CD200R1: variants seen among roughly 807,000 people sequenced by gnomAD.
CD200R1 encodes cell surface glycoprotein CD200 receptor 1.
In CD200R1, 30 loss-of-function variants were observed where a neutral mutation model predicts 38.1. The observed-to-expected ratio is 0.79, with a 90% confidence interval of 0.59 to 1.07. The LOEUF is 1.07. CD200R1 is among the 50% of genes least tolerant of loss of function. The pLI is 0.00. For missense variants in CD200R1, 372 were observed against 415.4 expected (o/e 0.90, Z 0.91); for synonymous variants, 128 against 152.1 (o/e 0.84, Z 1.16).
intron 2 of CD200R1, among the ~76,000 whole-genome samples, chr3:112,935,659 G>A (rs186967922): frequency 1.0e-3 from 152 of 152,140 alleles, no homozygotes; most frequent in African/African-American, 3.4e-3. Flanking sequence ...CATCCTAACA[G>A]CACATATTAA....
intron 2 of CD200R1, among the ~76,000 whole-genome samples, chr3:112,943,628 A>T (rs1940775411): frequency 6.6e-6 from 1 of 151,728 alleles, no homozygotes. Context: ...AAATTAGAAC[A>T]GAAGACAATA....
intron 1 of CD200R1, among the ~76,000 whole-genome samples, chr3:112,968,868 C>A (rs1933229131): frequency 2.6e-5 from 4 of 152,112 alleles, no homozygotes; most frequent in Admixed American, 1.3e-4. Context: ...AGTAAAATAT[C>A]AACACAGCAA....
At chr3:112,932,696 C>T (rs1940477235) in intron 2 of CD200R1, among the ~76,000 whole-genome samples, 1 of 152,098 alleles carries the variant, frequency 6.6e-6, no homozygotes, top group South Asian at 2.1e-4. Context: ...TCCCAGAGGA[C>T]ACATCCCCAG....
intron 5 of CD200R1, among the ~76,000 whole-genome samples, chr3:112,927,116 T>C (rs1940297767): frequency 6.6e-6 from 1 of 152,058 alleles, no homozygotes; most frequent in Admixed American, 6.6e-5. Context: ...ATTGGCAGAT[T>C]GGTCCAAAGA....
intron 1 of CD200R1, among the ~76,000 whole-genome samples, chr3:112,972,444 T>G (rs1933332897): frequency 6.6e-6 from 1 of 152,136 alleles, no homozygotes; most frequent in African/African-American, 2.4e-5. Context: ...TAGTAACTCA[T>G]AATCACAAAA....
chr3:112,949,202 G>A (rs1940925571), intron 1 of CD200R1, among the ~76,000 whole-genome samples: 1 of 152,218 alleles, frequency 6.6e-6, no homozygotes, highest in South Asian at 2.1e-4. Context: ...TGGAGTTGAG[G>A]CTGGATATCG....
intron 1 of CD200R1, among the ~76,000 whole-genome samples, chr3:112,957,096 C>T (rs1332707981): frequency 2.6e-5 from 4 of 152,094 alleles, no homozygotes; most frequent in African/African-American, 9.7e-5. Flanking sequence ...CTCTTTCCCC[C>T]AAGTACACAG....
intron 2 of CD200R1, among the ~76,000 whole-genome samples, chr3:112,945,343 G>C (rs1940823514): frequency 6.6e-6 from 1 of 152,120 alleles, no homozygotes; most frequent in Non-Finnish European, 1.5e-5. Context: ...CAATAATCAA[G>C]TCAGTATTTT....
intron 1 of CD200R1, among the ~76,000 whole-genome samples, chr3:112,972,409 A>C (rs1933332364): frequency 6.6e-6 from 1 of 152,216 alleles, no homozygotes; most frequent in African/African-American, 2.4e-5. Flanking sequence ...AGCCCAAAGA[A>C]GGAAAGAAGT....
chr3:112,972,106 C>T (rs1235883232), intron 1 of CD200R1, among the ~76,000 whole-genome samples: 1 of 152,162 alleles, frequency 6.6e-6, no homozygotes, highest in East Asian at 1.9e-4. Flanking sequence ...CACACACAGA[C>T]ATTAATAAGG....
chr3:112,962,341 TGCATATTAA>T (rs199766245), intron 1 of CD200R1, among the ~76,000 whole-genome samples: 1,546 of 152,330 alleles, frequency 0.01, 20 homozygotes, highest in South Asian at 0.03. Context: ...TGAATACATA[TGCATATTAA>T]CATATGCAAA....
In CD200R1 at chr3:112,963,978, C is replaced by A. The variant is rs369310398; in HGVS notation, c.67+10813G>T. On this transcript the variant is annotated intron_variant, in intron 1 of 7. Coordinates refer to ENST00000308611, the MANE Select transcript of CD200R1 (RefSeq NM_138806.4). ...CTGCTCCAGCCATGGCTGAAAGGGG[C>A]CAACATACAGCTCAGGCCATGGCTT... Among the ~76,000 whole-genome samples, 13 of 152,268 alleles carry A rather than the reference C, an allele frequency of 8.5e-5. No individual in the cohort carries two copies. The East Asian group carries it at 9.7e-4, about 11-fold the overall frequency.
chr3:112,974,077 C>T (rs1222535966), intron 1 of CD200R1, among the ~76,000 whole-genome samples: 1 of 151,996 alleles, frequency 6.6e-6, no homozygotes, highest in African/African-American at 2.4e-5. Flanking sequence ...AATAAACTGT[C>T]CTAATCTATG....
intron 2 of CD200R1, among the ~76,000 whole-genome samples, chr3:112,941,299 A>G (rs149210059): frequency 9.9e-5 from 15 of 151,896 alleles, no homozygotes; most frequent in African/African-American, 3.4e-4. Flanking sequence ...AGCTAGAAGA[A>G]GATATTGAAT....
At chr3:112,946,380 G>A (rs62263755) in intron 2 of CD200R1, among the ~76,000 whole-genome samples, 1 of 152,078 alleles carries the variant, frequency 6.6e-6, no homozygotes, top group African/African-American at 2.4e-5. Context: ...GAAACCCATG[G>A]ATACAGAGGG....
rs766916063 is a variant in CD200R1 at position 112,925,194 on chromosome 3, C to A, written c.770-1G>T. 2.2e-6 allele frequency: 3 copies of A among 1,382,628 alleles called. No homozygotes were observed. Among genetic ancestry groups the A allele is most frequent in the Non-Finnish European group, 3.1e-6 (3 of 972,910 alleles). The allele number at this position is 1,382,628 out of a possible 1,614,324, so 85.6% of individuals were successfully genotyped here. Reference sequence around the variant, plus strand: ...TTTGCTGATTTTTTGGCACCTGGAACTATAGACACAAAAATATATGGTTCA... The same window carrying A: ...TTTGCTGATTTTTTGGCACCTGGAAATATAGACACAAAAATATATGGTTCA... On this transcript the variant is annotated splice_acceptor_variant, in intron 5 of 7. Coordinates refer to ENST00000308611, the MANE Select transcript of CD200R1 (RefSeq NM_138806.4). LOFTEE classifies it high-confidence loss of function.
chr3:112,950,974 C>T (rs534121880), intron 1 of CD200R1, among the ~76,000 whole-genome samples: 3 of 152,008 alleles, frequency 2.0e-5, no homozygotes, highest in Admixed American at 6.6e-5. Flanking sequence ...GTGTAAAATT[C>T]ACCCATAGAA....
chr3:112,923,468 T>A lies in CD200R1; in HGVS notation c.*209A>T, dbSNP rs1940215393. ...GGCATGTATTTTCTTTGTAATAACA[T>A]CAGTTCTTCAGAGAACTAGCTGGTA... is the stretch of plus-strand genomic sequence containing the variant. On this transcript the variant is annotated 3_prime_UTR_variant, in exon 8 of 8. Transcript: ENST00000308611. 1 of 353,670 alleles carries A rather than the reference T, an allele frequency of 2.8e-6. No individual in the cohort carries two copies. Among genetic ancestry groups the A allele is most frequent in the Admixed American group, 4.7e-5 (1 of 21,354 alleles). The allele number at this position is 353,670 out of a possible 1,614,324, so 21.9% of individuals were successfully genotyped here.
chr3:112,961,168 AC>A (rs1360995733), intron 1 of CD200R1, among the ~76,000 whole-genome samples: 1 of 152,060 alleles, frequency 6.6e-6, no homozygotes, highest in Non-Finnish European at 1.5e-5. Context: ...TTCATTTATT[AC>A]CCCTGGAATC....
Sources: allele counts gnomAD v4.1 joint callset (sites outside exome capture counted in the v4.1 genomes callset), GRCh38; gene constraint gnomAD v4.1.1; transcripts MANE v1.5; gene names NCBI Gene and HGNC (gene_info 2026-07-23, HGNC 2026-07-21).